STIMATE: variants seen among roughly 807,000 people sequenced by gnomAD.
STIMATE encodes store-operated calcium entry regulator STIMATE.
In STIMATE, 15 loss-of-function variants were observed where a neutral mutation model predicts 36.7. The observed-to-expected ratio is 0.41, with a 90% confidence interval of 0.27 to 0.63. STIMATE has a LOEUF of 0.63. Ranked by LOEUF, STIMATE falls within the 20% of genes least tolerant of loss-of-function variation. STIMATE has a pLI of 0.32. For synonymous variants in STIMATE, 163 were observed against 162.3 expected (o/e 1.00, Z -0.03); for missense variants, 305 against 397.3 (o/e 0.77, Z 1.98).
rs1575355914 is a variant in STIMATE at position 52,897,188 on chromosome 3, C to T, written c.160+103G>A. 6 of 1,421,198 alleles carry T rather than the reference C, an allele frequency of 4.2e-6. No individual in the cohort carries two copies. In the East Asian group the frequency reaches 8.5e-5, roughly 20 times the overall value. The allele number at this position is 1,421,198 out of a possible 1,614,324, so 88.0% of individuals were successfully genotyped here. A position where few individuals can be genotyped will look rare whatever the true frequency, so the allele number is the denominator to read the frequency against. The stretch of plus-strand genomic sequence containing the variant: ...CTGGGTTTGCGGGGGAGGAGCAATT[C>T]GGGTCCCAAGGCCTGAACTCTCCGC... On this transcript the variant is annotated intron_variant, in intron 1 of 7. Transcript: ENST00000355083.
chr3:52,869,895 G>A (rs546250184), intron 1 of STIMATE, among the ~76,000 whole-genome samples: 1 of 152,306 alleles, frequency 6.6e-6, no homozygotes, highest in South Asian at 2.1e-4. Flanking sequence ...GACTCTATAA[G>A]ATGGAAGAAA....
intron 7 of STIMATE, among the ~76,000 whole-genome samples, chr3:52,841,445 C>A (rs913026533): frequency 3.3e-5 from 5 of 152,246 alleles, no homozygotes; most frequent in African/African-American, 4.8e-5. Flanking sequence ...CTCAGCCATG[C>A]AGCTGGGGCA....
intron 1 of STIMATE, among the ~76,000 whole-genome samples, chr3:52,895,718 C>T (rs946729646): frequency 1.3e-5 from 2 of 152,144 alleles, no homozygotes; most frequent in Non-Finnish European, 1.5e-5. Flanking sequence ...GGGGACAAGC[C>T]GGGCCATCAG....
intron 1 of STIMATE, among the ~76,000 whole-genome samples, chr3:52,856,564 G>A (rs1171696848): frequency 1.3e-5 from 2 of 152,078 alleles, no homozygotes; most frequent in African/African-American, 2.4e-5. Context: ...CACACCTCTG[G>A]TTCTAGCTAC....
intron 1 of STIMATE, among the ~76,000 whole-genome samples, chr3:52,880,839 C>G (rs929224896): frequency 1.3e-5 from 2 of 152,178 alleles, no homozygotes; most frequent in Non-Finnish European, 2.9e-5. Context: ...TGAAATTCAT[C>G]TTTGTTCACC....
chr3:52,842,221 G>A (rs1362599825), intron 7 of STIMATE, among the ~76,000 whole-genome samples: 5 of 152,202 alleles, frequency 3.3e-5, no homozygotes, highest in Non-Finnish European at 5.9e-5. Flanking sequence ...GGCCCTGCAC[G>A]CAGATGTGGG....
chr3:52,845,836 G>C (rs971962923), intron 4 of STIMATE, among the ~76,000 whole-genome samples: 1 of 151,912 alleles, frequency 6.6e-6, no homozygotes, highest in South Asian at 2.1e-4. Flanking sequence ...GGGGAGAGTG[G>C]GATGTGGGAA....
In STIMATE at chr3:52,842,847, G is replaced by A; in HGVS notation, c.732C>T (p.Tyr244=). Residue 244 remains tyrosine (Y), a synonymous_variant, in exon 7 of 8, where the codon TAC becomes TAT. Transcript: ENST00000355083. ...ACTCCTCGTGGGATGCGGCCCTCCG[G>A]TAGCGGACCTTGCTCCCATTCCTCG... ...QDSRNGSKVR[Y]RRAASHEESE... is the part of the protein sequence containing the mutation. 1 of 1,614,224 alleles carries A rather than the reference G, an allele frequency of 6.2e-7. No homozygotes were observed. Among genetic ancestry groups the A allele is most frequent in the Non-Finnish European group, 8.5e-7 (1 of 1,180,036 alleles).
At chr3:52,841,354 T>C (rs1289110947) in intron 7 of STIMATE, among the ~76,000 whole-genome samples, 3 of 152,152 alleles carry the variant, frequency 2.0e-5, no homozygotes, top group African/African-American at 7.2e-5. Flanking sequence ...GCAGGGGGAG[T>C]TCAGCGTGGC....
chr3:52,871,951 G>A (rs963553088), intron 1 of STIMATE, among the ~76,000 whole-genome samples: 1 of 151,996 alleles, frequency 6.6e-6, no homozygotes, highest in African/African-American at 2.4e-5. Flanking sequence ...CTCTTGATGC[G>A]GCACCCACAA....
intron 4 of STIMATE, among the ~76,000 whole-genome samples, chr3:52,847,934 G>A (rs886618694): frequency 3.9e-5 from 6 of 152,166 alleles, no homozygotes; most frequent in Non-Finnish European, 5.9e-5. Context: ...AGGAGGGGCC[G>A]CGAGCCAAGG....
intron 1 of STIMATE, among the ~76,000 whole-genome samples, chr3:52,879,490 G>A (rs893887824): frequency 1.3e-5 from 2 of 152,184 alleles, no homozygotes; most frequent in African/African-American, 4.8e-5. Flanking sequence ...AAGAACAGGA[G>A]GACCAGGAGG....
chr3:52,884,246 GTTTTT>G (rs10716399), intron 1 of STIMATE, among the ~76,000 whole-genome samples: 1 of 128,684 alleles, frequency 7.8e-6, no homozygotes, highest in Non-Finnish European at 1.7e-5. Flanking sequence ...CACCCAAAAA[GTTTTT>G]TTTTTTTTTT....
At chr3:52,891,201 G>A (rs1329143490) in intron 1 of STIMATE, among the ~76,000 whole-genome samples, 1 of 152,328 alleles carries the variant, frequency 6.6e-6, no homozygotes, top group African/African-American at 2.4e-5. Context: ...GGAAAGAGGG[G>A]TGGAAAAAGC....
intron 1 of STIMATE, among the ~76,000 whole-genome samples, chr3:52,860,792 G>C (rs141417613): frequency 2.2e-4 from 33 of 152,356 alleles, no homozygotes; most frequent in African/African-American, 7.5e-4. Context: ...GGGTGTGGAA[G>C]AAAGGATGGC....
chr3:52,859,363 A>G (rs1399011044), intron 1 of STIMATE, among the ~76,000 whole-genome samples: 1 of 149,808 alleles, frequency 6.7e-6, no homozygotes, highest in Non-Finnish European at 1.5e-5. Flanking sequence ...AAGAATACAT[A>G]AGTGACTATT....
intron 1 of STIMATE, among the ~76,000 whole-genome samples, chr3:52,880,517 G>A (rs1049336677): frequency 6.6e-6 from 1 of 152,224 alleles, no homozygotes; most frequent in African/African-American, 2.4e-5. Flanking sequence ...AAAGCAGGTG[G>A]CTGGGGAAAA....
At chr3:52,874,336 G>C (rs148674586) in intron 1 of STIMATE, among the ~76,000 whole-genome samples, 1 of 152,106 alleles carries the variant, frequency 6.6e-6, no homozygotes, top group Admixed American at 6.5e-5. Flanking sequence ...TGCTAAATGG[G>C]GGGAAAAAAG....
intron 1 of STIMATE, among the ~76,000 whole-genome samples, chr3:52,887,561 C>T (rs369427415): frequency 4.6e-5 from 7 of 152,238 alleles, no homozygotes; most frequent in African/African-American, 1.7e-4. Flanking sequence ...ACAGCAGCTA[C>T]AGCCAATGAG....
Sources: gnomAD v4.1 joint callset for allele counts (sites outside exome capture counted in the v4.1 genomes callset) on GRCh38, gnomAD v4.1.1 for gene constraint, MANE v1.5 for transcripts, NCBI Gene and HGNC (gene_info 2026-07-23, HGNC 2026-07-21) for gene names.